ANKS1B: variants seen among roughly 807,000 people sequenced by gnomAD.
ANKS1B encodes ankyrin repeat and sterile alpha motif domain containing 1B.
Under a neutral mutation model 148.3 loss-of-function variants are expected in ANKS1B, and 36 were observed. The observed-to-expected ratio is 0.24, with a 90% CI of 0.19 to 0.32. The LOEUF is 0.32. Ranked by LOEUF, ANKS1B falls within the 10% of genes least tolerant of loss-of-function variation. ANKS1B has a pLI of 1.00. For synonymous variants in ANKS1B, 542 were observed against 560.8 expected (o/e 0.97, Z 0.47); for missense variants, 1,157 against 1,542.6 (o/e 0.75, Z 4.19).
intron 8 of ANKS1B, 98 bp from the exon 9 acceptor site, chr12:99,655,308 C>T: frequency 9.1e-7 from 1 of 1,101,284 alleles, no homozygotes; most frequent in South Asian, 2.0e-5. Context: ...TATATCTCGG[C>T]AAACAAGTCA....
At chr12:99,957,756 T>A (rs757513022) in intron 1 of ANKS1B, among the ~76,000 whole-genome samples, 2 of 152,228 alleles carry the variant, frequency 1.3e-5, no homozygotes, top group African/African-American at 4.8e-5. Flanking sequence ...TTCTCAGCAC[T>A]GGCATTGCTA....
chr12:99,740,185 C>G (rs2059959375), intron 8 of ANKS1B, among the ~76,000 whole-genome samples: 1 of 152,122 alleles, frequency 6.6e-6, no homozygotes. Flanking sequence ...GTGGCACACA[C>G]TTACAATTCC....
chr12:99,651,050 ATAAT>A (rs2098415920), intron 9 of ANKS1B, among the ~76,000 whole-genome samples: 1 of 152,180 alleles, frequency 6.6e-6, no homozygotes, highest in Non-Finnish European at 1.5e-5. Flanking sequence ...AATGTGAAAT[ATAAT>A]TTATTCCAAT....
chr12:98,890,123 T>C (rs2099749208), intron 17 of ANKS1B, among the ~76,000 whole-genome samples: 1 of 152,120 alleles, frequency 6.6e-6, no homozygotes, highest in South Asian at 2.1e-4. Context: ...CTGTCTAGAG[T>C]AGCTCTGGGT....
rs374672135 is a variant in ANKS1B at position 99,432,302 on chromosome 12, A to G, written c.1575+11371T>C. Among the ~76,000 whole-genome samples the G allele has an allele frequency of 1.2e-4, 18 of 152,292 alleles. No individual in the cohort carries two copies. In the East Asian group the frequency reaches 3.1e-3, roughly 26 times the overall value. ...CTAAGACTTCACCTATCTAATGCCT[A>G]TTCAAACATAAAGGTCACTTTGAGC... On this transcript the variant is annotated intron_variant, in intron 11 of 26. Coordinates refer to ENST00000683438, the MANE Select transcript of ANKS1B (RefSeq NM_001352186.2).
At chr12:99,769,024 T>C (rs541131751) in intron 8 of ANKS1B, among the ~76,000 whole-genome samples, 27 of 149,280 alleles carry the variant, frequency 1.8e-4, no homozygotes, top group Middle Eastern at 3.5e-3. Flanking sequence ...TTTTTTTTTT[T>C]CCAAGCCACC....
chr12:98,783,654 A>T (rs1171250711), intron 22 of ANKS1B, among the ~76,000 whole-genome samples: 1 of 152,192 alleles, frequency 6.6e-6, no homozygotes, highest in Non-Finnish European at 1.5e-5. Context: ...AGGCCAAAAG[A>T]GGCTGTTTTA....
chr12:98,892,998 T>C (rs939295607), intron 17 of ANKS1B, among the ~76,000 whole-genome samples: 1 of 152,230 alleles, frequency 6.6e-6, no homozygotes, highest in African/African-American at 2.4e-5. Context: ...TTTCCATCCT[T>C]GAACAAGGAG....
At chr12:99,418,954 T>G (rs10467005) in intron 11 of ANKS1B, among the ~76,000 whole-genome samples, 2 of 152,074 alleles carry the variant, frequency 1.3e-5, no homozygotes, top group African/African-American at 2.4e-5. Context: ...AAATATTGAA[T>G]GAGTTATGCA....
intron 9 of ANKS1B, chr12:99,648,458 G>A: frequency 6.2e-7 from 1 of 1,614,168 alleles, no homozygotes; most frequent in Non-Finnish European, 8.5e-7. Context: ...GCTGCTGTCT[G>A]TGACAATGCC....
At position 99,404,893 on chromosome 12, in the gene ANKS1B, T is replaced by C. The variant is rs977385950; in HGVS notation, c.1576-5082A>G. On this transcript the variant is annotated intron_variant, in intron 11 of 26. Coordinates refer to ENST00000683438, the MANE Select transcript of ANKS1B (RefSeq NM_001352186.2). ...AAATTCAAGGATAAACAAAGGATTATAAATGCAGCAAGAGAAAAGAAGCAA... is the reference window on the plus strand; with the variant it reads ...AAATTCAAGGATAAACAAAGGATTACAAATGCAGCAAGAGAAAAGAAGCAA... 2.7e-5 allele frequency among the ~76,000 whole-genome samples: 4 copies of C among 146,016 alleles called. 1 individual carries two copies. The highest frequency in any genetic ancestry group is 4.5e-5 in the Non-Finnish European group (3 of 66,078).
intron 14 of ANKS1B, among the ~76,000 whole-genome samples, chr12:99,225,136 A>G (rs2085704530): frequency 6.6e-6 from 1 of 152,214 alleles, no homozygotes; most frequent in Non-Finnish European, 1.5e-5. Flanking sequence ...AATCATAGGT[A>G]GCATACTCCC....
At chr12:99,267,561 A>ATTCATTCATT (rs1566772173) in intron 12 of ANKS1B, among the ~76,000 whole-genome samples, 3 of 151,504 alleles carry the variant, frequency 2.0e-5, no homozygotes, top group Non-Finnish European at 2.9e-5. Flanking sequence ...ATTTGGCTGT[A>ATTCATTCATT]CATTCATTCA....
At chr12:99,708,030 C>T (rs1454522154) in intron 8 of ANKS1B, among the ~76,000 whole-genome samples, 2 of 152,082 alleles carry the variant, frequency 1.3e-5, no homozygotes, top group Non-Finnish European at 2.9e-5. Context: ...GGAGGTTAAC[C>T]TGGGGGTCTG....
At chr12:99,524,451 T>C (rs2096906696) in intron 9 of ANKS1B, among the ~76,000 whole-genome samples, 1 of 152,116 alleles carries the variant, frequency 6.6e-6, no homozygotes, top group Non-Finnish European at 1.5e-5. Context: ...TCATACTGCA[T>C]TATCCAGGTG....
chr12:99,280,890 C>T (rs982440611), intron 12 of ANKS1B, among the ~76,000 whole-genome samples: 2 of 151,766 alleles, frequency 1.3e-5, no homozygotes, highest in African/African-American at 2.4e-5. Context: ...CTCTCTCACA[C>T]ACACACACAT....
At chr12:99,607,445 G>A (rs1169195330) in intron 9 of ANKS1B, among the ~76,000 whole-genome samples, 1 of 151,638 alleles carries the variant, frequency 6.6e-6, no homozygotes. Flanking sequence ...CTACTCTGAG[G>A]TTGGATTTAA....
intron 1 of ANKS1B, among the ~76,000 whole-genome samples, chr12:99,936,399 C>A (rs1263116666): frequency 1.3e-5 from 2 of 152,176 alleles, no homozygotes; most frequent in Non-Finnish European, 2.9e-5. Context: ...GTAATCCCAG[C>A]ACTTTGGGAG....
chr12:99,267,025 C>T (rs947463109), intron 12 of ANKS1B, among the ~76,000 whole-genome samples: 2 of 152,140 alleles, frequency 1.3e-5, no homozygotes, highest in Admixed American at 6.6e-5. Context: ...CTTTAAGTAT[C>T]ATAAGAGTAT....
Sources: allele counts gnomAD v4.1 joint callset (sites outside exome capture counted in the v4.1 genomes callset), GRCh38; gene constraint gnomAD v4.1.1; transcripts MANE v1.5; gene names NCBI Gene and HGNC (gene_info 2026-07-23, HGNC 2026-07-21).